NDUFA10: variants seen among roughly 807,000 people sequenced by gnomAD.
NDUFA10 encodes NADH:ubiquinone oxidoreductase subunit A10.
Under a neutral mutation model 47.8 loss-of-function variants are expected in NDUFA10, and 40 were observed. That is an observed-to-expected ratio of 0.84 (90% CI 0.65 to 1.09). NDUFA10 has a LOEUF of 1.09. Among genes scored for constraint, NDUFA10 ranks in the 50% least tolerant of loss-of-function variants. The pLI is 0.00. For synonymous variants in NDUFA10, 183 were observed against 172.2 expected (o/e 1.06, Z -0.49); for missense variants, 413 against 451.1 (o/e 0.92, Z 0.76).
chr2:239,906,558 C>T lies in NDUFA10; in HGVS notation c.295-11244G>A, dbSNP rs1367667571. 9.2e-5 allele frequency among the ~76,000 whole-genome samples: 14 copies of T among 152,200 alleles called. No individual in the cohort carries two copies. Among genetic ancestry groups the T allele is most frequent in the Admixed American group, 9.2e-4 (14 of 15,286 alleles). On this transcript the variant is annotated intron_variant, in intron 4 of 5. Transcript: ENST00000419408. The surrounding 1 kb of genome is among the most constrained non-coding windows in gnomAD (Gnocchi z 4.3). ...ACATGAAGAGGACCTGTTGCTAAAA[C>T]ACAGAGGACAGCCCAAGATTTAAAG... is the stretch of plus-strand genomic sequence containing the variant.
intron 4 of NDUFA10, among the ~76,000 whole-genome samples, chr2:239,904,623 C>T (rs1334273756): frequency 6.6e-6 from 1 of 152,202 alleles, no homozygotes; most frequent in Non-Finnish European, 1.5e-5. Context: ...AGAAGGCGCC[C>T]TAGAGACTGC....
chr2:240,016,748 C>T lies in NDUFA10; in HGVS notation c.547+1805G>A, dbSNP rs1021287922. Among the ~76,000 whole-genome samples, 4 of 152,140 alleles carry T rather than the reference C, an allele frequency of 2.6e-5. No homozygotes were observed. Among genetic ancestry groups the T allele is most frequent in the African/African-American group, 4.8e-5 (2 of 41,426 alleles). On this transcript the variant is annotated intron_variant, in intron 4 of 9. Coordinates refer to ENST00000252711, the MANE Select transcript of NDUFA10 (RefSeq NM_004544.4). This position sits in a 1 kb window ranked among gnomAD's most constrained non-coding sequence, Gnocchi z 4.4. Reference sequence around the variant, plus strand: ...GGCTTTCCCAAGGAAAGCATGCTCACGGTCAGTGCTGGACCCCCAACGCCT... The same window carrying T: ...GGCTTTCCCAAGGAAAGCATGCTCATGGTCAGTGCTGGACCCCCAACGCCT...
At chr2:239,966,444 G>GC (rs1265689379) in intron 9 of NDUFA10, among the ~76,000 whole-genome samples, 1 of 152,152 alleles carries the variant, frequency 6.6e-6, no homozygotes, top group Non-Finnish European at 1.5e-5. Flanking sequence ...TGGGGATGTG[G>GC]CCCAGCCTGT....
At chr2:240,010,753 T>C (rs968935181) in intron 6 of NDUFA10, among the ~76,000 whole-genome samples, 2 of 152,198 alleles carry the variant, frequency 1.3e-5, no homozygotes, top group East Asian at 3.8e-4. Context: ...TTATTACCTA[T>C]GGTCTAACAA....
At chr2:239,956,896 C>T (rs1559312925), downstream of NDUFA10, among the ~76,000 whole-genome samples, 2 of 152,324 alleles carry the variant, frequency 1.3e-5, no homozygotes, top group South Asian at 4.1e-4. Context: ...TCTGCGGACA[C>T]AGAGCTTGCC....
chr2:240,021,805 C>A (rs1296182189), intron 2 of NDUFA10, among the ~76,000 whole-genome samples: 1 of 152,210 alleles, frequency 6.6e-6, no homozygotes, highest in African/African-American at 2.4e-5. Context: ...GGCATCTGCT[C>A]ACTCAGGAGT....
intron 4 of NDUFA10, chr2:239,942,917 C>G (rs1694383772): frequency 6.5e-6 from 1 of 153,890 alleles, no homozygotes; most frequent in Non-Finnish European, 1.5e-5. Flanking sequence ...AGGCCACCTT[C>G]GGGAAGCCTG....
intron 8 of NDUFA10, among the ~76,000 whole-genome samples, chr2:239,993,130 G>A (rs1490753026): frequency 2.0e-5 from 3 of 152,156 alleles, no homozygotes; most frequent in African/African-American, 4.8e-5. Flanking sequence ...CACTATGGGG[G>A]AATTACAGGA....
chr2:240,018,621 T>C lies in NDUFA10; in HGVS notation c.479A>G (p.Glu160Gly), dbSNP rs1276737882. The C allele has an allele frequency of 6.2e-7, 1 of 1,614,014 alleles. No individual in the cohort carries two copies. The highest frequency in any genetic ancestry group is 8.5e-7 in the Non-Finnish European group (1 of 1,180,044). The change falls in exon 4 of 10, where the codon GAG becomes GGG. Residue 160 changes from glutamate to glycine, a missense_variant. Transcript: ENST00000252711. ...LLTTGQGVVL[E>G]RSIFSDFVFL... ...CACAAAGTCACTGAAGATGGAGCGC[T>C]CCAACACAACACCTTGTCCTGTTTA...
At chr2:240,024,718 T>C (rs532853905) in intron 1 of NDUFA10, among the ~76,000 whole-genome samples, 39 of 152,360 alleles carry the variant, frequency 2.6e-4, no homozygotes, top group African/African-American at 6.7e-4. Context: ...GTTACAAATG[T>C]ATGAAACGAT....
chr2:239,983,349 A>G (rs1230366323), intron 9 of NDUFA10, among the ~76,000 whole-genome samples: 3 of 152,254 alleles, frequency 2.0e-5, no homozygotes, highest in African/African-American at 7.2e-5. Context: ...CCAGAAGGAA[A>G]TGCAATGAGA....
At chr2:239,984,839 C>G (rs1419568788) in intron 9 of NDUFA10, among the ~76,000 whole-genome samples, 2 of 152,242 alleles carry the variant, frequency 1.3e-5, no homozygotes, top group Non-Finnish European at 2.9e-5. Context: ...GGCTGAGAAG[C>G]CCGGCAGAGC....
rs1696499436 is a variant in NDUFA10 at position 239,996,811 on chromosome 2, T to A, written c.891-6629A>T. Among the ~76,000 whole-genome samples the A allele has an allele frequency of 4.3e-5, 6 of 139,394 alleles. No homozygotes were observed. The South Asian group carries it at 1.3e-3, about 30-fold the overall frequency. The allele number at this position is 139,394 out of a possible 152,430, so 91.4% of individuals were successfully genotyped here. On this transcript the variant is annotated intron_variant, in intron 8 of 9. Transcript: ENST00000252711. ...TAAAACATTGTGAGTTTTTTTGCCT[T>A]TTTTTTTTTTTAACTCATCAGCTAT...
In NDUFA10 at chr2:239,920,972, C is replaced by T. The variant is rs956131813; in HGVS notation, c.295-25658G>A. On this transcript the variant is annotated intron_variant, in intron 4 of 5. Transcript: ENST00000419408. ...CAGGTATCCTGGGGAAGGCTGAATG[C>T]CTAGAGATGATTGTCCAGGAAGTAG... 7.2e-5 allele frequency among the ~76,000 whole-genome samples: 11 copies of T among 152,266 alleles called. No individual in the cohort carries two copies. The Middle Eastern group carries it at 0.017, about 235-fold the overall frequency.
intron 4 of NDUFA10, among the ~76,000 whole-genome samples, chr2:239,937,413 C>A (rs1694282763): frequency 1.3e-5 from 2 of 152,208 alleles, no homozygotes; most frequent in Non-Finnish European, 2.9e-5. Flanking sequence ...CATCTACTTT[C>A]TGTCTTCCTG....
At chr2:239,962,158 T>C (rs989370803) in intron 9 of NDUFA10, among the ~76,000 whole-genome samples, 1 of 151,018 alleles carries the variant, frequency 6.6e-6, no homozygotes, top group Non-Finnish European at 1.5e-5. Context: ...GGTGGGAAAA[T>C]GATGAGTTTT....
intron 9 of NDUFA10, chr2:239,976,670 A>G (rs1695535623): frequency 6.6e-6 from 1 of 152,266 alleles, no homozygotes; most frequent in Non-Finnish European, 1.5e-5. Flanking sequence ...AGACGAATGC[A>G]CAGGGAAGGT....
chr2:239,985,210 TACAAAAGAC>T (rs1446219409), intron 9 of NDUFA10, among the ~76,000 whole-genome samples: 2 of 152,206 alleles, frequency 1.3e-5, no homozygotes, highest in Non-Finnish European at 2.9e-5. Flanking sequence ...CACACAGGCC[TACAAAAGAC>T]ACAGATACTG....
At chr2:239,938,728 G>A (rs957054502) in intron 4 of NDUFA10, among the ~76,000 whole-genome samples, 2 of 152,148 alleles carry the variant, frequency 1.3e-5, no homozygotes, top group African/African-American at 2.4e-5. Context: ...TCAGTTAAAC[G>A]GGGGCGGCTA....
Sources: gnomAD v4.1 joint callset for allele counts (sites outside exome capture counted in the v4.1 genomes callset) on GRCh38, gnomAD v4.1.1 for gene constraint, Gnocchi (gnomAD v3.1) non-coding constraint, MANE v1.5 for transcripts, NCBI Gene and HGNC (gene_info 2026-07-23, HGNC 2026-07-21) for gene names.